CELA2B: variants seen among roughly 807,000 people sequenced by gnomAD.
CELA2B encodes chymotrypsin-like elastase family member 2B.
Under a neutral mutation model 36.5 loss-of-function variants are expected in CELA2B, and 27 were observed. That is an observed-to-expected ratio of 0.74 (90% CI 0.55 to 1.02). The LOEUF is 1.02. Among genes scored for constraint, CELA2B ranks in the 50% least tolerant of loss-of-function variants. The probability of loss-of-function intolerance (pLI) is 0.00; values close to 1 mark genes in which losing one functional copy is unlikely to be tolerated. For missense variants in CELA2B, 340 were observed against 347.8 expected (o/e 0.98, Z 0.18); for synonymous variants, 143 against 148.5 (o/e 0.96, Z 0.27).
chr1:15,478,228 AGTTTGTTT>A (rs1023075628), intron 2 of CELA2B, among the ~76,000 whole-genome samples: 4 of 150,316 alleles, frequency 2.7e-5, no homozygotes, highest in Non-Finnish European at 5.9e-5. Flanking sequence ...TGGGATATAT[AGTTTGTTT>A]GTTTGTTTGT....
In CELA2B at chr1:15,491,288, C is replaced by T. The variant is rs1280539822; in HGVS notation, c.793-7C>T. 6.2e-7 allele frequency: 1 copy of T among 1,614,026 alleles called. No individual in the cohort carries two copies. On this transcript the variant is annotated splice_region_variant and splice_polypyrimidine_tract_variant and intron_variant, in intron 7 of 7. Transcript: ENST00000375910. ...CCTGACAATTTTCTTGTGTGTGTGT[C>T]CTGCAGGTGATTGCAAATAACTAAC...
chr1:15,483,197 C>T (rs1476492063), intron 4 of CELA2B, 67 bp from the exon 5 acceptor site: 1 of 1,600,660 alleles, frequency 6.2e-7, no homozygotes, highest in South Asian at 1.1e-5. Flanking sequence ...GTCTCCAAGC[C>T]CTCCAAAGCC....
At chr1:15,483,719 T>A (rs1201786707) in intron 5 of CELA2B, among the ~76,000 whole-genome samples, 13 of 152,250 alleles carry the variant, frequency 8.5e-5, no homozygotes, top group Non-Finnish European at 1.5e-5. Context: ...CTTGAGGTCA[T>A]GAGTTTGAGA....
chr1:15,483,206 C>A (rs1029072615), intron 4 of CELA2B, 58 bp from the exon 5 acceptor site: 11 of 1,607,480 alleles, frequency 6.8e-6, no homozygotes, highest in Non-Finnish European at 9.3e-6. Context: ...CCCTCCAAAG[C>A]CCCATAGGGC....
chr1:15,480,975 T>C, intron 2 of CELA2B, 123 bp from the exon 3 acceptor site: 3 of 980,598 alleles, frequency 3.1e-6, no homozygotes, highest in Non-Finnish European at 1.6e-6. Context: ...CCCCCTTAAG[T>C]TGTGTACCTG....
chr1:15,480,322 A>G (rs563340779), intron 2 of CELA2B, among the ~76,000 whole-genome samples: 88 of 152,252 alleles, frequency 5.8e-4, no homozygotes, highest in African/African-American at 2.0e-3. Context: ...CAATCCTCCC[A>G]TCTCAGCCTC....
Position 15,486,031 on chromosome 1 carries a change from G to A in CELA2B, c.624G>A (p.Val208=), listed in dbSNP as rs760490653. 1 of 1,613,588 alleles carries A rather than the reference G, an allele frequency of 6.2e-7. No homozygotes were observed. The highest frequency in any genetic ancestry group is 1.1e-5 in the South Asian group (1 of 91,024). ...TGATCTGTGCTGGGGGTGATGGCGT[G>A]ATATGCACCTGCAACGTGAGTACCA... ...TNMICAGGDG[V]ICTCNGDSGG... The change falls in exon 6 of 8, where the codon GTG becomes GTA. Residue 208 remains valine, a synonymous_variant. Transcript: ENST00000375910.
intron 5 of CELA2B, 40 bp from the exon 6 acceptor site, chr1:15,485,861 G>C (rs1390306393): frequency 6.2e-7 from 1 of 1,608,812 alleles, no homozygotes; most frequent in African/African-American, 1.3e-5. Context: ...TTTCTCAGGA[G>C]TCCCTGCGTC....
At chr1:15,483,145 C>G (rs1434683589) in intron 4 of CELA2B, 119 bp from the exon 5 acceptor site, 9 of 1,486,198 alleles carry the variant, frequency 6.1e-6, no homozygotes, top group Non-Finnish European at 8.2e-6. Context: ...TGGGCCCTGC[C>G]GGTCAGAGCA....
intron 5 of CELA2B, among the ~76,000 whole-genome samples, chr1:15,483,757 G>A (rs10803385): frequency 0.27 from 40,722 of 151,902 alleles, 5,874 homozygotes; most frequent in East Asian, 0.56. Context: ...GTGAAACCCC[G>A]TCTGTACTAA....
At chr1:15,485,834 G>T in intron 5 of CELA2B, 67 bp from the exon 6 acceptor site, 1 of 1,581,162 alleles carries the variant, frequency 6.3e-7, no homozygotes. Flanking sequence ...AATCCAGTAG[G>T]GGTCCACCAC....
intron 3 of CELA2B, 116 bp from the exon 4 acceptor site, chr1:15,482,149 A>G: frequency 7.7e-7 from 1 of 1,298,836 alleles, no homozygotes; most frequent in South Asian, 1.4e-5. Context: ...GGGAGGAAAG[A>G]TCCCCAAGTG....
At chr1:15,484,059 G>A (rs1708776079) in intron 5 of CELA2B, among the ~76,000 whole-genome samples, 1 of 152,100 alleles carries the variant, frequency 6.6e-6, no homozygotes, top group Admixed American at 6.6e-5. Flanking sequence ...CCCTATGATG[G>A]AAAGAAAGTT....
chr1:15,487,418 A>C lies in CELA2B; in HGVS notation c.773A>C (p.Tyr258Ser), dbSNP rs1167777022. Residue 258 changes from tyrosine (Y) to serine (S), a missense_variant, in exon 7 of 8, where the codon TAC becomes TCC. Coordinates refer to ENST00000375910, the MANE Select transcript of CELA2B (RefSeq NM_015849.3). ...TCCATCTTCACGCGGGTCTCCAACT[A>C]CAACGACTGGATCAATTCGGTAAGA... is the stretch of plus-strand genomic sequence containing the variant. ...KPSIFTRVSN[Y>S]NDWINSVIAN... 3.1e-6 allele frequency: 5 copies of C among 1,614,224 alleles called. No individual in the cohort carries two copies.
chr1:15,485,710 C>T lies in CELA2B; in HGVS notation c.494-191C>T, dbSNP rs183113234. Among the ~76,000 whole-genome samples, 10 of 152,320 alleles carry T rather than the reference C, an allele frequency of 6.6e-5. No homozygotes were observed. The South Asian group carries it at 1.0e-3, about 16-fold the overall frequency. ...ATTGGCTTAGCTTGAGTTAGGTGTT[C>T]ACTGCTGAACCAATCACCAGTGGCC... On this transcript the variant is annotated intron_variant, in intron 5 of 7. Coordinates refer to ENST00000375910, the MANE Select transcript of CELA2B (RefSeq NM_015849.3).
chr1:15,490,995 G>T, intron 7 of CELA2B: 1 of 398,846 alleles, frequency 2.5e-6, no homozygotes. Flanking sequence ...CTAAAAATAT[G>T]CCATCCGCAC....
rs1415411835 is a variant in CELA2B, at chr1:15,485,956, T to C, written c.549T>C (p.Tyr183=). The part of the protein sequence containing the change: ...LKQGQLLVVD[Y]ATCSSSGWWG... ...AGGGCCAGTTGCTGGTTGTGGACTA[T>C]GCCACCTGCTCCAGCTCTGGCTGGT... is the stretch of plus-strand genomic sequence containing the variant. Residue 183 remains tyrosine, a synonymous_variant, in exon 6 of 8, where the codon TAT becomes TAC. Coordinates refer to ENST00000375910, the MANE Select transcript of CELA2B (RefSeq NM_015849.3). The C allele has an allele frequency of 1.9e-6, 3 of 1,614,212 alleles. No individual in the cohort carries two copies. Among genetic ancestry groups the C allele is most frequent in the Admixed American group, 3.3e-5 (2 of 60,028 alleles).
At chr1:15,485,770 T>TGTGTCCTCTGTGAGGACAAATGTG in intron 5 of CELA2B, 131 bp from the exon 6 acceptor site, 1 of 1,157,520 alleles carries the variant, frequency 8.6e-7, no homozygotes, top group East Asian at 2.4e-5. Context: ...GGACACAGTA[T>TGTGTCCTCTGTGAGGACAAATGTG]AGACAAACAT....
Position 15,478,230 on chromosome 1 carries a change from T to TATATATATATA in CELA2B, c.129+1685_129+1686insATATATATATA, listed in dbSNP as rs1557523207. ...TATATATATATATTGGGATATATAG[T>TATATATATATA]TTGTTTGTTTGTTTGTTTTTGTTTT... On this transcript the variant is annotated intron_variant, in intron 2 of 7. Coordinates refer to ENST00000375910, the MANE Select transcript of CELA2B (RefSeq NM_015849.3). Among the ~76,000 whole-genome samples the TATATATATATA allele has an allele frequency of 2.7e-5, 4 of 147,654 alleles. No individual in the cohort carries two copies. In the East Asian group the frequency reaches 6.0e-4, roughly 22 times the overall value.
Sources: gnomAD v4.1 joint callset for allele counts (sites outside exome capture counted in the v4.1 genomes callset) on GRCh38, gnomAD v4.1.1 for gene constraint, MANE v1.5 for transcripts, NCBI Gene and HGNC (gene_info 2026-07-23, HGNC 2026-07-21) for gene names.